The following AKR1B10 variants were observed in gnomAD, a reference collection of about 807,000 sequenced individuals.
AKR1B10 encodes the protein ARP.
AKR1B10 carries 39 observed loss-of-function variants against 38.9 expected under a neutral mutation model. The observed-to-expected ratio is 1.00, with a 90% CI of 0.78 to 1.31. The LOEUF (loss-of-function observed/expected upper bound fraction) is 1.31, where lower values mean the gene tolerates loss of function less well. AKR1B10 is among the 50% of genes most tolerant of loss of function. The pLI, the probability that AKR1B10 is intolerant of heterozygous loss-of-function variation, is 0.00. For synonymous variants in AKR1B10, 148 were observed against 141.2 expected, an observed-to-expected ratio of 1.05 and a Z score of -0.34; for missense variants, 361 against 382.6, an observed-to-expected ratio of 0.94 and a Z score of 0.47.
chr7:134,537,481 G>T, intron 6 of AKR1B10, 99 bp from the exon 7 acceptor site: 3 of 1,313,346 alleles, frequency 2.3e-6, no homozygotes, highest in Non-Finnish European at 3.2e-6. Context: ...CCCAGATGGA[G>T]AGGCTCTGAT....
At chr7:134,536,323 A>AT (rs1446552768) in intron 4 of AKR1B10, among the ~76,000 whole-genome samples, 1 of 150,676 alleles carries the variant, frequency 6.6e-6, no homozygotes, top group Non-Finnish European at 1.5e-5. Context: ...TTTACTTTTT[A>AT]TTTTTTTGCA....
chr7:134,533,554 C>CTTA (rs1807922691), intron 4 of AKR1B10, among the ~76,000 whole-genome samples: 1 of 152,108 alleles, frequency 6.6e-6, no homozygotes, highest in East Asian at 1.9e-4. Flanking sequence ...CCCATTTAAC[C>CTTA]CTAGGAGACA....
chr7:134,531,015 G>A (rs1165295278), intron 2 of AKR1B10, among the ~76,000 whole-genome samples: 1 of 152,196 alleles, frequency 6.6e-6, no homozygotes, highest in Non-Finnish European at 1.5e-5. Context: ...CTGCCTGTAG[G>A]TTGGTTTTCC....
chr7:134,533,034 A>T lies in AKR1B10; in HGVS notation c.382A>T (p.Lys128Ter), dbSNP rs200050710. 6.2e-7 allele frequency: 1 copy of T among 1,602,480 alleles called. No homozygotes were observed. The highest frequency in any genetic ancestry group is 8.5e-7 in the Non-Finnish European group (1 of 1,176,146). ...GGATGACCTTTTCCCCAAAGATGAT[A>T]AAGGTAATGCCATCGGTGGAAAAGC... ...SGDDLFPKDD[K>*]GNAIGGKATF... Residue 128 changes from lysine (K) to a stop codon, truncating the protein, a stop_gained, in exon 4 of 10, where the codon AAA becomes TAA. Coordinates refer to ENST00000359579, the MANE Select transcript of AKR1B10 (RefSeq NM_020299.5). LOFTEE classifies it high-confidence loss of function.
intron 1 of AKR1B10, among the ~76,000 whole-genome samples, chr7:134,528,739 AAG>A (rs1016524155): frequency 1.4e-5 from 2 of 139,094 alleles, no homozygotes; most frequent in African/African-American, 3.2e-5. Context: ...GAAAGAGAGA[AAG>A]AGAGAGAGAG....
intron 1 of AKR1B10, among the ~76,000 whole-genome samples, chr7:134,528,701 G>A (rs1354919272): frequency 1.3e-5 from 2 of 151,896 alleles, no homozygotes; most frequent in East Asian, 3.9e-4. Flanking sequence ...CTCCAGTCTG[G>A]GCAACAGAGT....
intron 4 of AKR1B10, among the ~76,000 whole-genome samples, chr7:134,534,146 C>G (rs1482260509): frequency 6.6e-6 from 1 of 152,130 alleles, no homozygotes; most frequent in Non-Finnish European, 1.5e-5. Flanking sequence ...TTGTCTTAGA[C>G]ACTCTCACTC....
chr7:134,535,363 CCT>C (rs1420483604), intron 4 of AKR1B10, among the ~76,000 whole-genome samples: 1 of 151,976 alleles, frequency 6.6e-6, no homozygotes, highest in Admixed American at 6.6e-5. Context: ...GCCCAAAACC[CCT>C]GTTCCAATCC....
At chr7:134,530,474 G>A (rs1807818279) in intron 1 of AKR1B10, among the ~76,000 whole-genome samples, 169 bp from the exon 2 acceptor site, 1 of 152,140 alleles carries the variant, frequency 6.6e-6, no homozygotes, top group African/African-American at 2.4e-5. Flanking sequence ...GTTGAAGGTG[G>A]CCTGGGGATA....
intron 4 of AKR1B10, chr7:134,535,585 CTTT>C (rs58628862): frequency 9.1e-3 from 3,722 of 408,854 alleles, no homozygotes; most frequent in Middle Eastern, 0.019. Flanking sequence ...TCTTTTCTGT[CTTT>C]TTTTTTTTTT....
chr7:134,540,235 T>G (rs1451723608), intron 9 of AKR1B10, among the ~76,000 whole-genome samples: 1 of 152,004 alleles, frequency 6.6e-6, no homozygotes, highest in Non-Finnish European at 1.5e-5. Context: ...AAAAAAAGGT[T>G]TCAGTATCTC....
At chr7:134,532,976 C>T (rs375799056) in intron 3 of AKR1B10, 28 bp from the exon 4 acceptor site, 7 of 1,588,408 alleles carry the variant, frequency 4.4e-6, no homozygotes, top group African/African-American at 1.4e-5. Context: ...ATGCAGATTC[C>T]AGTAAACTTT....
Position 134,541,195 on chromosome 7 carries a change from G to A in AKR1B10, c.*106G>A. 3.5e-6 allele frequency: 3 copies of A among 854,210 alleles called. No individual in the cohort carries two copies. Among genetic ancestry groups the A allele is most frequent in the Non-Finnish European group, 3.7e-6 (2 of 535,304 alleles). The allele number at this position is 854,210 out of a possible 1,614,324, so 52.9% of individuals were successfully genotyped here. ...AGCCAAGCTTATTTAAGATCACAGT[G>A]AACTTAGTCCTGTTATAGACGAGAA... On this transcript the variant is annotated 3_prime_UTR_variant, in exon 10 of 10. Transcript: ENST00000359579.
At chr7:134,535,432 T>C (rs1474366622) in intron 4 of AKR1B10, among the ~76,000 whole-genome samples, 1 of 152,040 alleles carries the variant, frequency 6.6e-6, no homozygotes, top group African/African-American at 2.4e-5. Flanking sequence ...ATCCAGCCAG[T>C]ATTTTTTAAA....
chr7:134,528,661 G>C (rs893011160), intron 1 of AKR1B10, among the ~76,000 whole-genome samples: 8 of 152,134 alleles, frequency 5.3e-5, no homozygotes, highest in South Asian at 2.1e-4. Context: ...AGGGGTCAAG[G>C]CTGCAATGAG....
At chr7:134,528,115 G>T (rs1807737771) in intron 1 of AKR1B10, 138 bp downstream of exon 1, 1 of 1,167,646 alleles carries the variant, frequency 8.6e-7, no homozygotes, top group Non-Finnish European at 1.2e-6. Flanking sequence ...CCAGGACTTA[G>T]GTTGCTTTCT....
chr7:134,531,657 C>T (rs1807858467), intron 2 of AKR1B10, among the ~76,000 whole-genome samples: 1 of 152,206 alleles, frequency 6.6e-6, no homozygotes, highest in South Asian at 2.1e-4. Flanking sequence ...GCCACATTTA[C>T]TTCAATGATC....
rs142388608 is a variant in AKR1B10 at position 134,538,257 on chromosome 7, C to G, written c.805C>G (p.Arg269Gly). ...IVIPKSVTPA[R>G]IVENIQVFDF... is the part of the protein sequence containing the mutation. ...CATCCCCAAGTCTGTGACACCAGCACGCATTGTTGAGAACATTCAGGTAAG... is the reference window on the plus strand; with the variant it reads ...CATCCCCAAGTCTGTGACACCAGCAGGCATTGTTGAGAACATTCAGGTAAG... The change falls in exon 8 of 10, where the codon CGC (arginine) becomes GGC (glycine). Residue 269 changes from arginine to glycine, a missense_variant. Arg to Gly is a moderately radical substitution (Grantham distance 125, BLOSUM62 -2). This residue lies in a region of AKR1B10 where 132 missense variants were observed against 134.6 expected (regional missense o/e 0.98). Transcript: ENST00000359579. The G allele has an allele frequency of 3.3e-4, 533 of 1,614,066 alleles. 5 individuals carry two copies. In the South Asian group the frequency reaches 3.4e-3, roughly 10 times the overall value.
At chr7:134,538,157 G>A (rs761135648) in intron 7 of AKR1B10, 37 bp from the exon 8 acceptor site, 7 of 1,572,524 alleles carry the variant, frequency 4.5e-6, no homozygotes, top group South Asian at 2.2e-5. Context: ...GGGGTCTTTG[G>A]AGCTGAGTGG....
Sources: allele counts gnomAD v4.1 joint callset (sites outside exome capture counted in the v4.1 genomes callset), GRCh38; gene constraint gnomAD v4.1.1; regional missense constraint gnomAD v4.1.1; transcripts MANE v1.5; gene names NCBI Gene and HGNC (gene_info 2026-07-23, HGNC 2026-07-21).